DLG2: variants seen among roughly 807,000 people sequenced by gnomAD.
DLG2 encodes disks large homolog 2.
Under a neutral mutation model 132.5 loss-of-function variants are expected in DLG2, and 45 were observed. The observed-to-expected ratio is 0.34, with a 90% CI of 0.27 to 0.44. The LOEUF (loss-of-function observed/expected upper bound fraction) is 0.44, where lower values mean the gene tolerates loss of function less well. Ranked by LOEUF, DLG2 falls within the 20% of genes least tolerant of loss-of-function variation. DLG2 has a pLI of 1.00. For missense variants in DLG2, 1,045 were observed against 1,196.9 expected (o/e 0.87, Z 1.87); for synonymous variants, 424 against 419.6 (o/e 1.01, Z -0.13).
intron 7 of DLG2, among the ~76,000 whole-genome samples, chr11:84,301,696 T>A (rs2098157076): frequency 6.9e-6 from 1 of 144,722 alleles, no homozygotes; most frequent in Non-Finnish European, 1.5e-5. Flanking sequence ...CGACAGATGC[T>A]GGAGAGGATG....
intron 6 of DLG2, among the ~76,000 whole-genome samples, chr11:84,582,252 G>T (rs79625854): frequency 6.6e-6 from 1 of 151,126 alleles, no homozygotes; most frequent in African/African-American, 2.4e-5. Flanking sequence ...AAGTTTATCA[G>T]GGACTTGAAT....
At chr11:84,237,814 G>A (rs1197881013) in intron 8 of DLG2, among the ~76,000 whole-genome samples, 2 of 151,948 alleles carry the variant, frequency 1.3e-5, no homozygotes, top group Non-Finnish European at 2.9e-5. Flanking sequence ...GAAGCAGGTG[G>A]ATCATGAGGT....
intron 6 of DLG2, among the ~76,000 whole-genome samples, chr11:84,903,326 T>C (rs1590967856): frequency 6.6e-6 from 1 of 152,180 alleles, no homozygotes; most frequent in East Asian, 1.9e-4. Flanking sequence ...TTTCATGCCT[T>C]ATGTTTTAAC....
At chr11:85,554,591 T>C (rs1027406179) in intron 3 of DLG2, among the ~76,000 whole-genome samples, 1 of 151,662 alleles carries the variant, frequency 6.6e-6, no homozygotes, top group South Asian at 2.1e-4. Context: ...AAGACAACAG[T>C]CCCTCCCTAA....
intron 25 of DLG2, 41 bp from the exon 26 acceptor site, chr11:83,466,858 G>A (rs759170823): frequency 7.3e-7 from 1 of 1,366,138 alleles, no homozygotes; most frequent in East Asian, 2.3e-5. Flanking sequence ...AATATAGGAA[G>A]CATGGCCATA....
chr11:84,090,064 T>C (rs2154168441), intron 10 of DLG2, among the ~76,000 whole-genome samples: 1 of 152,328 alleles, frequency 6.6e-6, no homozygotes, highest in South Asian at 2.1e-4. Flanking sequence ...ATCATGGATG[T>C]ATATCTATTT....
chr11:85,496,411 C>T (rs920827276), intron 3 of DLG2, among the ~76,000 whole-genome samples: 1 of 152,214 alleles, frequency 6.6e-6, no homozygotes, highest in East Asian at 1.9e-4. Flanking sequence ...AACAAAGTGG[C>T]AGGGAAGCTC....
At chr11:83,611,294 G>C (rs1210778469) in intron 19 of DLG2, among the ~76,000 whole-genome samples, 1 of 151,652 alleles carries the variant, frequency 6.6e-6, no homozygotes, top group East Asian at 1.9e-4. Context: ...GGGGAAGGGG[G>C]AGAGAGAGAG....
intron 7 of DLG2, among the ~76,000 whole-genome samples, chr11:84,339,641 T>C (rs967527566): frequency 3.3e-4 from 50 of 152,314 alleles, no homozygotes; most frequent in Admixed American, 2.6e-3. Flanking sequence ...CTGGACTCTG[T>C]GGTGTCCTTT....
chr11:84,167,949 A>T (rs1177428297), intron 8 of DLG2, among the ~76,000 whole-genome samples: 2 of 152,224 alleles, frequency 1.3e-5, no homozygotes, highest in Non-Finnish European at 2.9e-5. Context: ...TACAGGCGTG[A>T]GCCACCACGC....
At chr11:84,392,809 T>C (rs1190210669) in intron 7 of DLG2, among the ~76,000 whole-genome samples, 6 of 152,216 alleles carry the variant, frequency 3.9e-5, no homozygotes, top group Non-Finnish European at 5.9e-5. Context: ...TTAGTTACTA[T>C]AGACAGAGCT....
At chr11:83,713,621 G>A (rs2086000301) in intron 18 of DLG2, among the ~76,000 whole-genome samples, 1 of 152,182 alleles carries the variant, frequency 6.6e-6, no homozygotes, top group South Asian at 2.1e-4. Context: ...TATATTTCCA[G>A]AAGATAAATT....
At chr11:84,720,007 C>A (rs954105194) in intron 6 of DLG2, among the ~76,000 whole-genome samples, 1 of 151,954 alleles carries the variant, frequency 6.6e-6, no homozygotes, top group Non-Finnish European at 1.5e-5. Context: ...TAAGGAGATC[C>A]CAAGCAGAGA....
At chr11:83,829,824 G>A (rs998125055) in intron 17 of DLG2, among the ~76,000 whole-genome samples, 1 of 151,898 alleles carries the variant, frequency 6.6e-6, no homozygotes, top group Non-Finnish European at 1.5e-5. Context: ...GTACACATGT[G>A]CCATGTTGGT....
chr11:85,269,747 TC>T (rs1185021259), intron 4 of DLG2, among the ~76,000 whole-genome samples: 3 of 152,302 alleles, frequency 2.0e-5, no homozygotes, highest in Non-Finnish European at 4.4e-5. Flanking sequence ...TAAATGAAGG[TC>T]TGCTCTTGTT....
At chr11:84,561,741 ATGCTAAGAAAATATTTGAAAGGCAAATTG>A (rs1193806921) in intron 6 of DLG2, among the ~76,000 whole-genome samples, 1 of 152,156 alleles carries the variant, frequency 6.6e-6, no homozygotes, top group African/African-American at 2.4e-5. Flanking sequence ...TTCATTTGAA[ATGCTAAGAAAATATTTGAAAGGCAAATTG>A]TTAGTTAATA....
chr11:83,840,097 A>C (rs11233756), intron 16 of DLG2, among the ~76,000 whole-genome samples: 9,936 of 152,188 alleles, frequency 0.065, 373 homozygotes, highest in African/African-American at 0.1. Flanking sequence ...TCATACCTCT[A>C]CGTTTTGGCT....
At chr11:84,578,224 C>A (rs1455328940) in intron 6 of DLG2, among the ~76,000 whole-genome samples, 1 of 150,738 alleles carries the variant, frequency 6.6e-6, no homozygotes, top group Non-Finnish European at 1.5e-5. Context: ...TGGGATCAGA[C>A]CCCCCACCCC....
intron 5 of DLG2, among the ~76,000 whole-genome samples, chr11:85,137,350 A>G (rs932942457): frequency 1.2e-4 from 19 of 152,096 alleles, no homozygotes; most frequent in African/African-American, 4.1e-4. Flanking sequence ...TATAATCCCT[A>G]TTTTATAGTT....
Sources: allele counts gnomAD v4.1 joint callset (sites outside exome capture counted in the v4.1 genomes callset), GRCh38; gene constraint gnomAD v4.1.1; transcripts MANE v1.5; gene names NCBI Gene and HGNC (gene_info 2026-07-23, HGNC 2026-07-21).